The following ZNF248 variants were observed in gnomAD, a reference collection of about 807,000 sequenced individuals.
ZNF248 encodes zinc finger protein 248.
A neutral mutation model predicts 44.3 loss-of-function variants in ZNF248; 20 were observed. That is an observed-to-expected ratio of 0.45 (90% CI 0.32 to 0.66). The LOEUF (loss-of-function observed/expected upper bound fraction) is 0.66. Among genes scored for constraint, ZNF248 ranks in the 30% least tolerant of loss-of-function variants. The pLI, the probability that ZNF248 is intolerant of heterozygous loss-of-function variation, is 0.04. For synonymous variants in ZNF248, 224 were observed against 229.0 expected (o/e 0.98, Z 0.20); for missense variants, 654 against 677.0 (o/e 0.97, Z 0.38).
At position 37,832,115 on chromosome 10, in the gene ZNF248, C is replaced by T; in HGVS notation, c.1240G>A (p.Gly414Arg). 1 of 1,613,954 alleles carries T rather than the reference C, an allele frequency of 6.2e-7. No individual in the cohort carries two copies. Reference protein sequence around the residue: ...GEKPYECTECGKAFCQKPHLT... With the variant: ...GEKPYECTECRKAFCQKPHLT... ...TGTGGTTTCTGGCAAAAGGCTTTCCCACATTCAGTACATTCATAGGGCTTC... is the reference window on the plus strand; with the variant it reads ...TGTGGTTTCTGGCAAAAGGCTTTCCTACATTCAGTACATTCATAGGGCTTC... Residue 414 changes from glycine (G) to arginine (R), a missense_variant, in exon 6 of 6, where the codon GGG (glycine) becomes AGG (arginine). By Grantham distance (125) the Gly-to-Arg change is moderately radical. Coordinates refer to ENST00000395867, the MANE Select transcript of ZNF248 (RefSeq NM_021045.3).
intron 3 of ZNF248, among the ~76,000 whole-genome samples, chr10:37,838,978 C>T (rs1011925700): frequency 1.3e-5 from 2 of 152,078 alleles, no homozygotes; most frequent in African/African-American, 2.4e-5. Context: ...AAAAGATCAC[C>T]GTTGATGGGC....
intron 6 of ZNF248, among the ~76,000 whole-genome samples, chr10:37,783,571 A>G (rs1208771): frequency 0.06 from 9,129 of 152,334 alleles, 353 homozygotes; most frequent in Middle Eastern, 0.095. Context: ...AAGAAAGTGG[A>G]AAGAGAAGTG....
rs534125834 is a variant in ZNF248 at position 37,843,911 on chromosome 10, G to T, written c.16-5800C>A. 1.3e-3 allele frequency among the ~76,000 whole-genome samples: 203 copies of T among 152,142 alleles called. 1 individual carries two copies. Among genetic ancestry groups the T allele is most frequent in the African/African-American group, 4.6e-3 (189 of 41,518 alleles). ...TAAAGAAATGTGAATAGAGCCTAAG[G>T]GACCTGTGGGACACCTTTGAGTGGA... On this transcript the variant is annotated intron_variant, in intron 3 of 5. Coordinates refer to ENST00000395867, the MANE Select transcript of ZNF248 (RefSeq NM_021045.3).
Position 37,829,323 on chromosome 10 carries a change from T to C in ZNF248, c.*2292A>G. On this transcript the variant is annotated 3_prime_UTR_variant, in exon 6 of 6. Transcript: ENST00000395867. ...AAGTCTCTGGGTGTTTCACTGTCCCTTGTTTCTGGCCCACACCACTGTAAT... is the reference window on the plus strand; with the variant it reads ...AAGTCTCTGGGTGTTTCACTGTCCCCTGTTTCTGGCCCACACCACTGTAAT... 1.0e-6 allele frequency: 1 copy of C among 985,474 alleles called. No individual in the cohort carries two copies. 61.0% of individuals were successfully genotyped at this position (985,474 alleles called of 1,614,324 possible).
In ZNF248 at chr10:37,837,994, C is replaced by G; in HGVS notation, c.133G>C (p.Val45Leu). Residue 45 changes from valine to leucine, a missense_variant, in exon 4 of 6, where the codon GTC becomes CTC. Val to Leu is a conservative substitution (Grantham distance 32). Coordinates refer to ENST00000395867, the MANE Select transcript of ZNF248 (RefSeq NM_021045.3). The part of the protein sequence containing the change: ...DVILENYSNL[V>L]SVGYCITKPE... ...GAAAAAAACTCCTTACCTACTGAGA[C>G]AAGATTGCTATAATTTTCCAGGATC... The G allele has an allele frequency of 6.2e-7, 1 of 1,613,428 alleles. No individual in the cohort carries two copies. The highest frequency in any genetic ancestry group is 8.5e-7 in the Non-Finnish European group (1 of 1,179,620).
chr10:37,796,522 C>CT (rs935125339), intron 6 of ZNF248, among the ~76,000 whole-genome samples: 13 of 152,010 alleles, frequency 8.6e-5, no homozygotes, highest in African/African-American at 3.1e-4. Flanking sequence ...CCTGGCAAAT[C>CT]TTTAATACTT....
chr10:37,831,516 A>G lies in ZNF248; in HGVS notation c.*99T>C. On this transcript the variant is annotated 3_prime_UTR_variant, in exon 6 of 6. Transcript: ENST00000395867. Reference sequence around the variant, plus strand: ...AAAGCTTTTACATATTCAAACAAGAAGTCATTTTCTACAAATTTCTGACAT... The same window carrying G: ...AAAGCTTTTACATATTCAAACAAGAGGTCATTTTCTACAAATTTCTGACAT... 3 of 1,488,742 alleles carry G rather than the reference A, an allele frequency of 2.0e-6. No homozygotes were observed. The highest frequency in any genetic ancestry group is 2.8e-5 in the South Asian group (2 of 70,790). The allele number at this position is 1,488,742 out of a possible 1,614,324, so 92.2% of individuals were successfully genotyped here. A position where few individuals can be genotyped will look rare whatever the true frequency, so the allele number is the denominator to read the frequency against.
chr10:37,841,516 T>A (rs1422022167), intron 3 of ZNF248, among the ~76,000 whole-genome samples: 1 of 150,384 alleles, frequency 6.6e-6, no homozygotes, highest in Non-Finnish European at 1.5e-5. Context: ...GAGTTCATAC[T>A]AATATAAATA....
chr10:37,776,053 G>C (rs535081872), downstream of ZNF248, among the ~76,000 whole-genome samples: 1 of 152,240 alleles, frequency 6.6e-6, no homozygotes, highest in South Asian at 2.1e-4. Flanking sequence ...TATAGGATTA[G>C]GGTAGGTAAG....
At chr10:37,775,191 A>T (rs2046488714), downstream of ZNF248, among the ~76,000 whole-genome samples, 1 of 152,096 alleles carries the variant, frequency 6.6e-6, no homozygotes, top group Admixed American at 6.6e-5. Flanking sequence ...ATACACACTA[A>T]AACTATTATA....
chr10:37,765,246 T>C, the ZNF248 span, among the ~76,000 whole-genome samples: 75 of 152,290 alleles, frequency 4.9e-4, 1 homozygote, highest in East Asian at 0.014. Flanking sequence ...TGTGAGCCAC[T>C]GAGCCTGGGC....
At chr10:37,787,054 C>A (rs1181063567) in intron 6 of ZNF248, among the ~76,000 whole-genome samples, 2 of 152,080 alleles carry the variant, frequency 1.3e-5, no homozygotes, top group Non-Finnish European at 1.5e-5. Flanking sequence ...CTGAGCCAGG[C>A]AGATCACAAG....
chr10:37,786,972 A>G (rs1006191068), intron 6 of ZNF248, among the ~76,000 whole-genome samples: 34 of 152,278 alleles, frequency 2.2e-4, no homozygotes, highest in African/African-American at 7.2e-4. Context: ...TAAAACTTAT[A>G]CTACTTGATT....
At chr10:37,854,301 A>G (rs2060874041) in intron 3 of ZNF248, among the ~76,000 whole-genome samples, 1 of 152,216 alleles carries the variant, frequency 6.6e-6, no homozygotes. Flanking sequence ...AACAATTATC[A>G]AAAGACAAAT....
At chr10:37,768,338 A>G in the ZNF248 span, among the ~76,000 whole-genome samples, 1 of 152,048 alleles carries the variant, frequency 6.6e-6, no homozygotes, top group African/African-American at 2.4e-5. Context: ...TCTCAGCACC[A>G]CACCTATTCC....
At chr10:37,814,892 G>T (rs1280693316) in intron 6 of ZNF248, among the ~76,000 whole-genome samples, 1 of 152,068 alleles carries the variant, frequency 6.6e-6, no homozygotes, top group African/African-American at 2.4e-5. Context: ...TATCTTACTT[G>T]AAGTTTATTG....
intron 3 of ZNF248, among the ~76,000 whole-genome samples, chr10:37,849,831 G>A (rs575753888): frequency 6.6e-6 from 1 of 152,298 alleles, no homozygotes; most frequent in South Asian, 2.1e-4. Flanking sequence ...CCAACACTTT[G>A]GAAGGCCAAG....
chr10:37,843,536 C>T (rs1208647), intron 3 of ZNF248, among the ~76,000 whole-genome samples: 9,119 of 151,652 alleles, frequency 0.06, 355 homozygotes, highest in Middle Eastern at 0.097. Context: ...CCAATAAAAA[C>T]GTAGAAGGTA....
chr10:37,785,896 G>GAT (rs2047828945), intron 6 of ZNF248, among the ~76,000 whole-genome samples: 1 of 152,228 alleles, frequency 6.6e-6, no homozygotes, highest in African/African-American at 2.4e-5. Context: ...TAAAGAAGAA[G>GAT]GGGGTTGGAT....
Sources: allele counts gnomAD v4.1 joint callset (sites outside exome capture counted in the v4.1 genomes callset), GRCh38; gene constraint gnomAD v4.1.1; transcripts MANE v1.5; gene names NCBI Gene and HGNC (gene_info 2026-07-23, HGNC 2026-07-21).